RABEP1: variants seen among roughly 807,000 people sequenced by gnomAD.
RABEP1 encodes rab GTPase-binding effector protein 1.
A neutral mutation model predicts 123.4 loss-of-function variants in RABEP1; 51 were observed. The observed-to-expected ratio is 0.41, with a 90% CI of 0.33 to 0.52. RABEP1 has a LOEUF of 0.52. RABEP1 is among the 20% of genes least tolerant of loss of function. RABEP1 has a pLI of 0.16. For missense variants in RABEP1, 888 were observed against 996.3 expected (o/e 0.89, Z 1.46); for synonymous variants, 347 against 355.2 (o/e 0.98, Z 0.26).
intron 1 of RABEP1, among the ~76,000 whole-genome samples, chr17:5,287,943 CAGTGG>C (rs1221407680): frequency 6.6e-6 from 1 of 151,854 alleles, no homozygotes; most frequent in South Asian, 2.1e-4. Flanking sequence ...GCTGGATTGG[CAGTGG>C]AGTAATAGGG....
chr17:5,295,543 C>T (rs991564703), intron 1 of RABEP1, among the ~76,000 whole-genome samples: 3 of 147,958 alleles, frequency 2.0e-5, no homozygotes, highest in African/African-American at 7.5e-5. Context: ...ACATGTGTCT[C>T]TAAATATTTA....
At chr17:5,381,309 T>C in intron 16 of RABEP1, 80 bp from the exon 17 acceptor site, 1 of 1,550,164 alleles carries the variant, frequency 6.5e-7, no homozygotes, top group Non-Finnish European at 8.7e-7. Context: ...GCCCTAGTAG[T>C]AGGTAACTAC....
chr17:5,379,608 C>T (rs528201157), intron 15 of RABEP1, among the ~76,000 whole-genome samples: 17 of 152,144 alleles, frequency 1.1e-4, no homozygotes, highest in Admixed American at 1.3e-4. Flanking sequence ...CAGAAATTAC[C>T]AGCGCTCGAA....
At chr17:5,350,207 C>T (rs559218273) in intron 6 of RABEP1, among the ~76,000 whole-genome samples, 4 of 151,984 alleles carry the variant, frequency 2.6e-5, no homozygotes, top group Non-Finnish European at 4.4e-5. Context: ...GGTGAAACCC[C>T]GTCTCTACTA....
At chr17:5,360,271 C>T (rs1909385404) in intron 8 of RABEP1, among the ~76,000 whole-genome samples, 1 of 152,118 alleles carries the variant, frequency 6.6e-6, no homozygotes, top group Non-Finnish European at 1.5e-5. Flanking sequence ...TGGAAAATAC[C>T]ACATTCTTGG....
chr17:5,376,824 G>A (rs1421686686), intron 13 of RABEP1, among the ~76,000 whole-genome samples: 1 of 152,078 alleles, frequency 6.6e-6, no homozygotes, highest in Non-Finnish European at 1.5e-5. Flanking sequence ...TATTTCTATT[G>A]AATGGCATAT....
At chr17:5,346,748 C>G in intron 5 of RABEP1, 42 bp from the exon 6 acceptor site, 2 of 1,448,456 alleles carry the variant, frequency 1.4e-6, no homozygotes, top group Middle Eastern at 1.9e-4. Flanking sequence ...AAGATAGAAA[C>G]TGTTGTAAAT....
In RABEP1 at chr17:5,378,188, A is replaced by G. The variant is rs1567555135; in HGVS notation, c.2227A>G (p.Ser743Gly). ...TTTTTTCCTTCTAGCTTCTATTTCT[A>G]GCCTAAAAGCTGAATTAGAAAGAAT... ...NCKEEIASIS[S>G]LKAELERIKV... Residue 743 changes from serine (S) to glycine (G), a missense_variant, in exon 15 of 18, where the codon AGC (serine) becomes GGC (glycine). Ser to Gly is a moderately conservative substitution (Grantham distance 56). Coordinates refer to ENST00000537505, the MANE Select transcript of RABEP1 (RefSeq NM_004703.6). 6.3e-7 allele frequency: 1 copy of G among 1,588,194 alleles called. No individual in the cohort carries two copies. Among genetic ancestry groups the G allele is most frequent in the Non-Finnish European group, 8.6e-7 (1 of 1,157,290 alleles).
At chr17:5,304,196 C>A (rs375232942) in intron 1 of RABEP1, among the ~76,000 whole-genome samples, 1 of 151,918 alleles carries the variant, frequency 6.6e-6, no homozygotes, top group Non-Finnish European at 1.5e-5. Context: ...TTATTGTATT[C>A]TTTTTTCGTT....
chr17:5,283,821 A>T lies in RABEP1; in HGVS notation c.34+1301A>T, dbSNP rs555244394. The T allele has an allele frequency of 2.0e-5, 3 of 152,276 alleles. No individual in the cohort carries two copies. The East Asian group carries it at 5.8e-4, about 29-fold the overall frequency. 9.4% of individuals were successfully genotyped at this position (152,276 alleles called of 1,614,324 possible). The stretch of plus-strand genomic sequence containing the variant: ...AGTTTTGGGTGTTGTTGCTTGCCTA[A>T]GGGGAGATGTCCAGTAAGCATTTAG... On this transcript the variant is annotated intron_variant, in intron 1 of 17. Coordinates refer to ENST00000537505, the MANE Select transcript of RABEP1 (RefSeq NM_004703.6).
chr17:5,380,540 A>C, intron 16 of RABEP1, 78 bp downstream of exon 16: 1 of 1,210,118 alleles, frequency 8.3e-7, no homozygotes. Flanking sequence ...TTGAAAAAAA[A>C]ATATTGGTGC....
chr17:5,288,205 C>G (rs189616603), intron 1 of RABEP1, among the ~76,000 whole-genome samples: 5 of 151,816 alleles, frequency 3.3e-5, no homozygotes, highest in Admixed American at 3.3e-4. Flanking sequence ...GTCCTGGAGC[C>G]GAGATCTGAT....
chr17:5,342,721 A>T (rs1396191484), intron 5 of RABEP1, among the ~76,000 whole-genome samples: 1 of 152,250 alleles, frequency 6.6e-6, no homozygotes, highest in African/African-American at 2.4e-5. Flanking sequence ...TAGACTTCAT[A>T]TAGAGAAGTG....
At position 5,313,160 on chromosome 17, in the gene RABEP1, G is replaced by A. The variant is rs368917575; in HGVS notation, c.163+4338G>A. Among the ~76,000 whole-genome samples, 35 of 152,262 alleles carry A rather than the reference G, an allele frequency of 2.3e-4. No individual in the cohort carries two copies. The East Asian group carries it at 4.4e-3, about 19-fold the overall frequency. ...TTCAGTATCTTTACATGAATTTATCGTCTCCCTTTTAAAATTTGTTCATGT... is the reference window on the plus strand; with the variant it reads ...TTCAGTATCTTTACATGAATTTATCATCTCCCTTTTAAAATTTGTTCATGT... On this transcript the variant is annotated intron_variant, in intron 2 of 17. Coordinates refer to ENST00000537505, the MANE Select transcript of RABEP1 (RefSeq NM_004703.6).
intron 6 of RABEP1, among the ~76,000 whole-genome samples, chr17:5,348,821 A>G (rs989332612): frequency 3.3e-5 from 5 of 152,178 alleles, no homozygotes; most frequent in Admixed American, 2.0e-4. Context: ...TCGGCCTCCC[A>G]GAGTGGTGGG....
chr17:5,282,542 G>C (rs1463888021), intron 1 of RABEP1, 22 bp downstream of exon 1: 15 of 1,178,688 alleles, frequency 1.3e-5, no homozygotes, highest in Non-Finnish European at 1.6e-5. Context: ...ACCATGGCAG[G>C]CGCGGCGGGC....
chr17:5,321,900 T>C (rs1482146020), intron 2 of RABEP1, among the ~76,000 whole-genome samples: 1 of 151,862 alleles, frequency 6.6e-6, no homozygotes, highest in Admixed American at 6.6e-5. Flanking sequence ...AATTTAAAAT[T>C]TAAAAATTAG....
At chr17:5,364,234 A>C (rs1401136210) in intron 10 of RABEP1, 1 of 152,242 alleles carries the variant, frequency 6.6e-6, no homozygotes, top group Non-Finnish European at 1.5e-5. Context: ...AATTAGTCAG[A>C]AAAAGAAGTG....
chr17:5,327,247 C>T (rs1906066652), intron 2 of RABEP1, among the ~76,000 whole-genome samples: 1 of 151,594 alleles, frequency 6.6e-6, no homozygotes, highest in Admixed American at 6.6e-5. Context: ...ACTTGGGAGA[C>T]TGAGGCAGGA....
Sources: gnomAD v4.1 joint callset for allele counts (sites outside exome capture counted in the v4.1 genomes callset) on GRCh38, gnomAD v4.1.1 for gene constraint, MANE v1.5 for transcripts, NCBI Gene and HGNC (gene_info 2026-07-23, HGNC 2026-07-21) for gene names.